The following MCTP2 variants were observed in gnomAD, a reference collection of about 807,000 sequenced individuals.
MCTP2 encodes multiple C2 and transmembrane domain-containing protein 2.
Under a neutral mutation model 111.6 loss-of-function variants are expected in MCTP2, and 132 were observed. The ratio of observed to expected loss-of-function variants is 1.18; its 90% confidence interval spans 1.03 to 1.37. The LOEUF (loss-of-function observed/expected upper bound fraction) is 1.37, where lower values mean the gene tolerates loss of function less well. Ranked by LOEUF, MCTP2 falls within the 40% of genes most tolerant of loss-of-function variation. The pLI is 0.00. For synonymous variants in MCTP2, 395 were observed against 387.7 expected, an observed-to-expected ratio of 1.02 and a Z score of -0.22; for missense variants, 1,183 against 1,067.9, an observed-to-expected ratio of 1.11 and a Z score of -1.50.
intron 1 of MCTP2, among the ~76,000 whole-genome samples, chr15:94,265,634 T>C (rs1265321378): frequency 6.6e-6 from 1 of 152,214 alleles, no homozygotes; most frequent in African/African-American, 2.4e-5. Context: ...TAAAAGTAGA[T>C]CATAGAGATA....
intron 6 of MCTP2, 83 bp downstream of exon 6, chr15:94,340,358 A>G: frequency 2.1e-6 from 2 of 960,248 alleles, no homozygotes; most frequent in Non-Finnish European, 3.3e-6. Flanking sequence ...TGTTGAGGTC[A>G]AATGACAAAA....
At chr15:94,280,388 G>A (rs2074417615) in intron 1 of MCTP2, among the ~76,000 whole-genome samples, 1 of 145,354 alleles carries the variant, frequency 6.9e-6, no homozygotes, top group African/African-American at 2.5e-5. Flanking sequence ...TAGTTTGTGT[G>A]CATAAAGGCA....
intron 1 of MCTP2, chr15:94,273,637 C>A: frequency 5.0e-6 from 1 of 200,562 alleles, no homozygotes; most frequent in South Asian, 1.0e-4. Context: ...TGCTCCATGC[C>A]CATCTGCAAG....
At chr15:94,370,696 C>G (rs1032997578) in intron 12 of MCTP2, among the ~76,000 whole-genome samples, 2 of 152,070 alleles carry the variant, frequency 1.3e-5, no homozygotes, top group African/African-American at 4.8e-5. Context: ...GTAACTTGAA[C>G]TTTTAGAAAG....
intron 1 of MCTP2, among the ~76,000 whole-genome samples, chr15:94,268,969 C>T (rs2073757096): frequency 6.6e-6 from 1 of 152,102 alleles, no homozygotes; most frequent in Admixed American, 6.5e-5. Context: ...TATTTTTAAA[C>T]TATTAGCATA....
chr15:94,319,890 G>A (rs965217574), intron 4 of MCTP2, among the ~76,000 whole-genome samples: 3 of 152,150 alleles, frequency 2.0e-5, no homozygotes, highest in Middle Eastern at 3.4e-3. Flanking sequence ...TCTTTATAAC[G>A]TGTTCTCCAA....
chr15:94,451,978 C>T (rs2152521076), intron 19 of MCTP2, among the ~76,000 whole-genome samples: 1 of 152,152 alleles, frequency 6.6e-6, no homozygotes, highest in South Asian at 2.1e-4. Context: ...TAATTTTCTC[C>T]ACACTCCAAT....
At chr15:94,435,294 A>G (rs1386765150) in intron 17 of MCTP2, among the ~76,000 whole-genome samples, 1 of 152,220 alleles carries the variant, frequency 6.6e-6, no homozygotes, top group Non-Finnish European at 1.5e-5. Context: ...TGAACTAGGC[A>G]TATTTATTTT....
At chr15:94,276,126 G>C (rs1021340655) in intron 1 of MCTP2, among the ~76,000 whole-genome samples, 1 of 152,118 alleles carries the variant, frequency 6.6e-6, no homozygotes, top group African/African-American at 2.4e-5. Context: ...TTACAGGTGT[G>C]AGCCACCGTG....
intron 1 of MCTP2, among the ~76,000 whole-genome samples, chr15:94,253,244 C>A (rs912345073): frequency 3.3e-5 from 5 of 152,166 alleles, no homozygotes; most frequent in Non-Finnish European, 5.9e-5. Context: ...GCTCTGAACT[C>A]CCACCTTGAA....
intron 1 of MCTP2, among the ~76,000 whole-genome samples, chr15:94,275,808 T>C (rs1435200248): frequency 1.3e-5 from 2 of 151,808 alleles, no homozygotes; most frequent in African/African-American, 4.8e-5. Flanking sequence ...ATTGCCAAGA[T>C]TTAGCAAACA....
intron 19 of MCTP2, 54 bp downstream of exon 19, chr15:94,443,014 A>C: frequency 7.0e-7 from 1 of 1,431,906 alleles, no homozygotes; most frequent in Non-Finnish European, 9.7e-7. Flanking sequence ...TTGTCAACAG[A>C]TAGCATTCCT....
intron 19 of MCTP2, among the ~76,000 whole-genome samples, chr15:94,446,351 T>C (rs542109890): frequency 9.3e-4 from 142 of 152,338 alleles, no homozygotes; most frequent in African/African-American, 3.2e-3. Flanking sequence ...AGATAATAGC[T>C]AAGTTCAGCC....
intron 12 of MCTP2, among the ~76,000 whole-genome samples, chr15:94,379,468 A>G (rs16974359): frequency 0.18 from 26,681 of 151,860 alleles, 3,543 homozygotes; most frequent in African/African-American, 0.36. Flanking sequence ...CTGAGCTAAA[A>G]TGCTCCATAT....
chr15:94,251,649 A>G (rs1242951090), intron 1 of MCTP2, among the ~76,000 whole-genome samples: 1 of 152,130 alleles, frequency 6.6e-6, no homozygotes, highest in Non-Finnish European at 1.5e-5. Flanking sequence ...GTGAGCCACC[A>G]CACCTGGCTG....
In MCTP2 at chr15:94,478,966, G is replaced by GT. The variant is rs1275104646; in HGVS notation, c.2570dup (p.Gln858AlafsTer111). 1 of 1,613,904 alleles carries GT rather than the reference G, an allele frequency of 6.2e-7. No individual in the cohort carries two copies. The highest frequency in any genetic ancestry group is 1.7e-5 in the Admixed American group (1 of 60,014). On this transcript the variant is annotated frameshift_variant and splice_region_variant, in exon 23 of 23. Coordinates refer to ENST00000357742, the MANE Select transcript of MCTP2 (RefSeq NM_001385001.1). LOFTEE classifies it high-confidence loss of function. ...GCATCACGGCTATTTGTTTTCACAG[G>GT]TGCAGTATGCAGAATTGAAACTCTG...
intron 19 of MCTP2, among the ~76,000 whole-genome samples, chr15:94,453,345 T>C (rs1460029628): frequency 6.6e-6 from 1 of 152,194 alleles, no homozygotes; most frequent in Non-Finnish European, 1.5e-5. Context: ...AAAGGAAAGC[T>C]TCTGCATGGT....
At chr15:94,299,153 C>G (rs920220760) in intron 2 of MCTP2, among the ~76,000 whole-genome samples, 2 of 150,246 alleles carry the variant, frequency 1.3e-5, no homozygotes, top group Admixed American at 1.3e-4. Flanking sequence ...ATTGATTGCA[C>G]CCAGTGTTCC....
intron 17 of MCTP2, among the ~76,000 whole-genome samples, chr15:94,437,645 G>A (rs940738060): frequency 9.9e-5 from 15 of 151,978 alleles, no homozygotes; most frequent in Non-Finnish European, 2.2e-4. Flanking sequence ...TGAAATACAC[G>A]TGGAAGAGTA....
Sources: gnomAD v4.1 joint callset for allele counts (sites outside exome capture counted in the v4.1 genomes callset) on GRCh38, gnomAD v4.1.1 for gene constraint, MANE v1.5 for transcripts, NCBI Gene and HGNC (gene_info 2026-07-23, HGNC 2026-07-21) for gene names.